The following MSRA variants were observed in gnomAD, a reference collection of about 807,000 sequenced individuals.
MSRA encodes the protein mitochondrial peptide methionine sulfoxide reductase.
A neutral mutation model predicts 31.3 loss-of-function variants in MSRA; 54 were observed. That is an observed-to-expected ratio of 1.73 (90% confidence interval 1.39 to 2.17). The LOEUF (loss-of-function observed/expected upper bound fraction) is 2.17, where lower values mean the gene tolerates loss of function less well. Ranked by LOEUF, MSRA falls within the 30% of genes most tolerant of loss-of-function variation. MSRA has a pLI of 0.00. For synonymous variants in MSRA, 169 were observed against 116.5 expected (o/e 1.45, Z -2.90); for missense variants, 507 against 300.9 (o/e 1.69, Z -5.07).
At chr8:10,064,523 A>G (rs749201517) in intron 1 of MSRA, among the ~76,000 whole-genome samples, 9 of 152,228 alleles carry the variant, frequency 5.9e-5, no homozygotes, top group Non-Finnish European at 1.2e-4. Flanking sequence ...GCTAGTAATA[A>G]TGAAACAGGA....
chr8:10,393,905 T>G (rs1585669259), intron 5 of MSRA, among the ~76,000 whole-genome samples: 1 of 152,216 alleles, frequency 6.6e-6, no homozygotes, highest in South Asian at 2.1e-4. Flanking sequence ...AGATACTATG[T>G]GTATAACTGT....
At chr8:10,150,381 C>T (rs574296928) in intron 1 of MSRA, among the ~76,000 whole-genome samples, 2 of 152,272 alleles carry the variant, frequency 1.3e-5, no homozygotes, top group Admixed American at 6.5e-5. Flanking sequence ...TTACCATAGT[C>T]ATTGTTTACT....
At chr8:10,230,695 G>T (rs961938698) in intron 2 of MSRA, among the ~76,000 whole-genome samples, 1 of 152,142 alleles carries the variant, frequency 6.6e-6, no homozygotes, top group Non-Finnish European at 1.5e-5. Context: ...AGAGCAAAAA[G>T]AAGAACATAA....
At chr8:10,269,193 A>G (rs941688069) in intron 3 of MSRA, among the ~76,000 whole-genome samples, 3 of 152,226 alleles carry the variant, frequency 2.0e-5, no homozygotes, top group Admixed American at 6.5e-5. Context: ...TCATCCAAAC[A>G]ATTGTGCTCC....
At chr8:10,306,243 A>G (rs777467927) in intron 4 of MSRA, among the ~76,000 whole-genome samples, 23 of 152,246 alleles carry the variant, frequency 1.5e-4, no homozygotes, top group Non-Finnish European at 2.8e-4. Context: ...TCATCTACAG[A>G]AAAAGGGATA....
At chr8:10,386,064 C>T (rs1361447790) in intron 5 of MSRA, among the ~76,000 whole-genome samples, 1 of 152,138 alleles carries the variant, frequency 6.6e-6, no homozygotes, top group East Asian at 1.9e-4. Flanking sequence ...CGTCAATACC[C>T]CTTAAAATTT....
At chr8:10,270,534 G>A (rs1798976347) in intron 3 of MSRA, among the ~76,000 whole-genome samples, 1 of 152,158 alleles carries the variant, frequency 6.6e-6, no homozygotes, top group Non-Finnish European at 1.5e-5. Flanking sequence ...CAGCAGTCAT[G>A]CCCAGGATGC....
At chr8:10,283,604 C>T (rs1799751743) in intron 3 of MSRA, among the ~76,000 whole-genome samples, 1 of 151,262 alleles carries the variant, frequency 6.6e-6, no homozygotes, top group Non-Finnish European at 1.5e-5. Context: ...TCCTCTTTCC[C>T]CCTGAGTCCC....
Position 10,245,211 on chromosome 8 carries a change from G to A in MSRA, c.319G>A (p.Glu107Lys), listed in dbSNP as rs774977838. Residue 107 changes from glutamate to lysine, a missense_variant, in exon 3 of 6, where the codon GAA (glutamate) becomes AAA (lysine). Physicochemically the swap from Glu to Lys is moderately conservative, Grantham distance 56. Transcript: ENST00000317173. ...GGYTSNPTYKEVCSEKTGHAE... is the reference protein window; with the variant it reads ...GGYTSNPTYKKVCSEKTGHAE... ...CTATACTTCAAATCCTACTTATAAA[G>A]AAGTCTGCTCAGGTAGGAAGAATTT... 2.5e-6 allele frequency: 4 copies of A among 1,613,062 alleles called. No individual in the cohort carries two copies. Among genetic ancestry groups the A allele is most frequent in the African/African-American group, 2.7e-5 (2 of 74,878 alleles).
At chr8:10,125,081 A>C (rs1384708427) in intron 1 of MSRA, among the ~76,000 whole-genome samples, 2 of 152,204 alleles carry the variant, frequency 1.3e-5, no homozygotes. Context: ...GTCTGTCATT[A>C]GCGATTCCGC....
At chr8:10,108,950 A>G (rs1363368332) in intron 1 of MSRA, among the ~76,000 whole-genome samples, 1 of 152,302 alleles carries the variant, frequency 6.6e-6, no homozygotes, top group South Asian at 2.1e-4. Flanking sequence ...TCTATTTATA[A>G]CTGGCCTCTG....
chr8:10,205,181 T>C (rs1175262181), intron 1 of MSRA, among the ~76,000 whole-genome samples: 1 of 152,094 alleles, frequency 6.6e-6, no homozygotes, highest in Non-Finnish European at 1.5e-5. Context: ...GGAAAGATAA[T>C]TGTGGCTACC....
chr8:10,260,603 C>T (rs765809307), intron 3 of MSRA, among the ~76,000 whole-genome samples: 18 of 152,098 alleles, frequency 1.2e-4, no homozygotes, highest in East Asian at 3.9e-4. Flanking sequence ...AATCCAAGGA[C>T]GTATCATGTT....
At chr8:10,334,489 G>A (rs1802903639) in intron 5 of MSRA, among the ~76,000 whole-genome samples, 1 of 152,094 alleles carries the variant, frequency 6.6e-6, no homozygotes, top group Non-Finnish European at 1.5e-5. Context: ...GAGTGAAGCA[G>A]GGTTTGCCGT....
chr8:10,375,190 C>G (rs1180742158), intron 5 of MSRA, among the ~76,000 whole-genome samples: 1 of 152,206 alleles, frequency 6.6e-6, no homozygotes, highest in African/African-American at 2.4e-5. Context: ...CCCCCTCTTC[C>G]TACTTATTCC....
intron 5 of MSRA, among the ~76,000 whole-genome samples, chr8:10,390,575 G>A (rs1439118212): frequency 6.6e-6 from 1 of 152,132 alleles, no homozygotes; most frequent in African/African-American, 2.4e-5. Flanking sequence ...TCGTACATCT[G>A]CCCATTGTCA....
intron 5 of MSRA, among the ~76,000 whole-genome samples, chr8:10,349,537 G>T (rs756130705): frequency 1.3e-5 from 2 of 152,174 alleles, no homozygotes; most frequent in South Asian, 4.1e-4. Flanking sequence ...ATTTGCTAAC[G>T]TGCACTCATG....
chr8:10,288,065 G>A (rs916672108), intron 3 of MSRA, among the ~76,000 whole-genome samples: 2 of 152,292 alleles, frequency 1.3e-5, no homozygotes, highest in African/African-American at 2.4e-5. Flanking sequence ...TGGTTGTGAT[G>A]TTGGATTACG....
chr8:10,326,915 C>T (rs1303695979), intron 5 of MSRA, among the ~76,000 whole-genome samples: 1 of 152,156 alleles, frequency 6.6e-6, no homozygotes, highest in Non-Finnish European at 1.5e-5. Context: ...GAGAATGTGA[C>T]TCCAGCTCAT....
Sources: allele counts gnomAD v4.1 joint callset (sites outside exome capture counted in the v4.1 genomes callset), GRCh38; gene constraint gnomAD v4.1.1; transcripts MANE v1.5; gene names NCBI Gene and HGNC (gene_info 2026-07-23, HGNC 2026-07-21).